The following XKR4 variants were observed in gnomAD, a reference collection of about 807,000 sequenced individuals.
XKR4 encodes the protein XK-related protein 4.
Under a neutral mutation model 53.9 loss-of-function variants are expected in XKR4, and 12 were observed. The ratio of observed to expected loss-of-function variants is 0.22; its 90% CI spans 0.14 to 0.36. The LOEUF is 0.36. Among genes scored for constraint, XKR4 ranks in the 10% least tolerant of loss-of-function variants. The pLI, the probability that XKR4 is intolerant of heterozygous loss-of-function variation, is 1.00. For missense variants in XKR4, 799 were observed against 859.5 expected (o/e 0.93, Z 0.88); for synonymous variants, 354 against 362.4 (o/e 0.98, Z 0.26).
rs984570427 is a variant in XKR4 at position 55,523,917 on chromosome 8, C to G, written c.1643C>G (p.Ser548Cys). 4 of 1,614,192 alleles carry G rather than the reference C, an allele frequency of 2.5e-6. No individual in the cohort carries two copies. Among genetic ancestry groups the G allele is most frequent in the Admixed American group, 1.7e-5 (1 of 60,028 alleles). Residue 548 changes from serine (S) to cysteine (C), a missense_variant, in exon 3 of 3, where the codon TCC becomes TGC. Ser to Cys is a moderately radical substitution (Grantham distance 112). Transcript: ENST00000327381. ...GACGTGGCCACAAGCACCCTACGGTCCATCTCCAACAACCGCAGTGTTGTC... is the reference window on the plus strand; with the variant it reads ...GACGTGGCCACAAGCACCCTACGGTGCATCTCCAACAACCGCAGTGTTGTC... Reference protein sequence around the residue: ...PPDVATSTLRSISNNRSVVSD... With the variant: ...PPDVATSTLRCISNNRSVVSD...
chr8:55,507,561 A>G (rs1399734778), intron 2 of XKR4, among the ~76,000 whole-genome samples: 1 of 151,868 alleles, frequency 6.6e-6, no homozygotes, highest in East Asian at 1.9e-4. Context: ...TCCATGTGTT[A>G]TTGTTCAATT....
intron 1 of XKR4, among the ~76,000 whole-genome samples, chr8:55,247,860 T>TTCTTTCTTTCTTTCTTTCTTTCTTTC (rs760867461): frequency 7.6e-5 from 8 of 105,422 alleles, no homozygotes; most frequent in African/African-American, 1.8e-4. Context: ...TCTTTCTTTT[T>TTCTTTCTTTCTTTCTTTCTTTCTTTC]TTTTTTTTTT....
chr8:55,257,114 G>A (rs187628291), intron 1 of XKR4, among the ~76,000 whole-genome samples: 51 of 152,176 alleles, frequency 3.4e-4, no homozygotes, highest in Non-Finnish European at 6.9e-4. Flanking sequence ...TCCAACATAG[G>A]AATTTTGGGG....
intron 1 of XKR4, among the ~76,000 whole-genome samples, chr8:55,355,114 G>A (rs900447664): frequency 7.2e-5 from 11 of 152,054 alleles, no homozygotes; most frequent in African/African-American, 2.7e-4. Flanking sequence ...ATATTGGTCA[G>A]GCTGGTCTTG....
At position 55,525,125 on chromosome 8, in the gene XKR4, G is replaced by A. The variant is rs968346771; in HGVS notation, c.*898G>A. ...TGTGCAGCGCCCATTGGGACATAAC[G>A]GCAGTGCGGCGCGAGCCAGAGGAAT... On this transcript the variant is annotated 3_prime_UTR_variant, in exon 3 of 3. Coordinates refer to ENST00000327381, the MANE Select transcript of XKR4 (RefSeq NM_052898.2). 1.3e-5 allele frequency: 2 copies of A among 152,620 alleles called. No homozygotes were observed. The highest frequency in any genetic ancestry group is 4.8e-5 in the African/African-American group (2 of 41,458). 9.5% of individuals were successfully genotyped at this position (152,620 alleles called of 1,614,324 possible).
chr8:55,399,299 AG>A (rs1384926340), intron 2 of XKR4, among the ~76,000 whole-genome samples: 1 of 152,194 alleles, frequency 6.6e-6, no homozygotes, highest in Non-Finnish European at 1.5e-5. Context: ...CTGCTATGGA[AG>A]GAGGCAGAAA....
chr8:55,417,907 A>G (rs1428628171), intron 2 of XKR4, among the ~76,000 whole-genome samples: 1 of 152,190 alleles, frequency 6.6e-6, no homozygotes, highest in East Asian at 1.9e-4. Context: ...AAAGACAGGA[A>G]TCTATCAGGA....
At chr8:55,464,428 G>T (rs958527975) in intron 2 of XKR4, among the ~76,000 whole-genome samples, 1 of 151,992 alleles carries the variant, frequency 6.6e-6, no homozygotes, top group Non-Finnish European at 1.5e-5. Context: ...ATTCAATAAC[G>T]CTTCATGCTA....
At chr8:55,165,031 C>T (rs1817047247) in intron 1 of XKR4, among the ~76,000 whole-genome samples, 1 of 152,110 alleles carries the variant, frequency 6.6e-6, no homozygotes, top group Admixed American at 6.5e-5. Flanking sequence ...GGCCCAGTGG[C>T]AGAAAGGAAG....
chr8:55,445,193 G>C (rs200463963), intron 2 of XKR4, among the ~76,000 whole-genome samples: 1 of 152,098 alleles, frequency 6.6e-6, no homozygotes, highest in East Asian at 1.9e-4. Flanking sequence ...TAGTAACTGG[G>C]ACTACAGGTG....
chr8:55,228,202 GC>G (rs1277478986), intron 1 of XKR4, among the ~76,000 whole-genome samples: 6 of 152,154 alleles, frequency 3.9e-5, no homozygotes, highest in Admixed American at 2.0e-4. Flanking sequence ...GTGAGCCAGT[GC>G]ACCCGGCCAT....
chr8:55,200,216 C>A (rs1374069785), intron 1 of XKR4, among the ~76,000 whole-genome samples: 1 of 152,054 alleles, frequency 6.6e-6, no homozygotes, highest in African/African-American at 2.4e-5. Flanking sequence ...TACAGGCGCC[C>A]ACCACAACGC....
intron 2 of XKR4, among the ~76,000 whole-genome samples, chr8:55,520,468 C>T (rs1021170845): frequency 1.3e-5 from 2 of 152,134 alleles, no homozygotes; most frequent in African/African-American, 2.4e-5. Context: ...TGCCTATGGT[C>T]CCAGCTACTC....
intron 2 of XKR4, chr8:55,453,430 C>G: frequency 2.5e-6 from 1 of 400,766 alleles, no homozygotes; most frequent in Non-Finnish European, 5.0e-6. Flanking sequence ...CAGCTAGGAG[C>G]AGCTTCTTGG....
chr8:55,149,938 A>T (rs904060167), intron 1 of XKR4, among the ~76,000 whole-genome samples: 1 of 152,184 alleles, frequency 6.6e-6, no homozygotes, highest in Non-Finnish European at 1.5e-5. Flanking sequence ...TTATATTGGA[A>T]AGGCTTGCCT....
intron 1 of XKR4, among the ~76,000 whole-genome samples, chr8:55,304,642 G>T (rs1467598723): frequency 6.6e-6 from 1 of 152,180 alleles, no homozygotes; most frequent in African/African-American, 2.4e-5. Context: ...AAGTCTCTTT[G>T]TAGGTCACTA....
At chr8:55,492,398 C>T (rs1051836884) in intron 2 of XKR4, among the ~76,000 whole-genome samples, 1 of 152,154 alleles carries the variant, frequency 6.6e-6, no homozygotes, top group Non-Finnish European at 1.5e-5. Context: ...AAATACTAAG[C>T]CATGATTTTA....
At chr8:55,408,424 A>G (rs1472345945) in intron 2 of XKR4, among the ~76,000 whole-genome samples, 1 of 152,180 alleles carries the variant, frequency 6.6e-6, no homozygotes, top group Non-Finnish European at 1.5e-5. Flanking sequence ...TGGCTTCACT[A>G]CTCAATAATT....
chr8:55,331,691 A>G (rs1563326022), intron 1 of XKR4, among the ~76,000 whole-genome samples: 1 of 152,168 alleles, frequency 6.6e-6, no homozygotes, highest in East Asian at 1.9e-4. Context: ...ATCATTACAT[A>G]AGGTCCTTTT....
Sources: gnomAD v4.1 joint callset for allele counts (sites outside exome capture counted in the v4.1 genomes callset) on GRCh38, gnomAD v4.1.1 for gene constraint, MANE v1.5 for transcripts, NCBI Gene and HGNC (gene_info 2026-07-23, HGNC 2026-07-21) for gene names.